The following CCSER2 variants were observed in gnomAD, a reference collection of about 807,000 sequenced individuals.
CCSER2 encodes coiled-coil serine rich protein 2, also known as serine-rich coiled-coil domain-containing protein 2.
CCSER2 carries 46 observed loss-of-function variants against 92.3 expected under a neutral mutation model. The observed-to-expected ratio is 0.50, with a 90% CI of 0.39 to 0.64. CCSER2 has a LOEUF of 0.64. CCSER2 is among the 30% of genes least tolerant of loss of function. The pLI is 0.00. For synonymous variants in CCSER2, 433 were observed against 431.4 expected (o/e 1.00, Z -0.04); for missense variants, 1,244 against 1,238.9 (o/e 1.00, Z -0.06).
At chr10:84,378,125 G>A (rs1207006101) in intron 3 of CCSER2, among the ~76,000 whole-genome samples, 1 of 152,160 alleles carries the variant, frequency 6.6e-6, no homozygotes, top group East Asian at 1.9e-4. Flanking sequence ...AGCCTTAATA[G>A]TTCACCATTA....
chr10:84,414,416 T>C (rs1306154124), intron 3 of CCSER2, among the ~76,000 whole-genome samples: 5 of 152,224 alleles, frequency 3.3e-5, no homozygotes, highest in Non-Finnish European at 7.3e-5. Context: ...AAGCTTAGTT[T>C]GGCTGGATAT....
intron 3 of CCSER2, among the ~76,000 whole-genome samples, chr10:84,393,038 G>T (rs962001643): frequency 6.6e-6 from 1 of 152,092 alleles, no homozygotes; most frequent in Admixed American, 6.6e-5. Context: ...GCAGCAATTT[G>T]TGTTGCAGTT....
chr10:84,350,199 G>A (rs932270697), intron 1 of CCSER2, among the ~76,000 whole-genome samples: 8 of 152,194 alleles, frequency 5.3e-5, no homozygotes, highest in East Asian at 3.9e-4. Flanking sequence ...CATCACGCTC[G>A]TTTATACATT....
intron 6 of CCSER2, among the ~76,000 whole-genome samples, chr10:84,445,512 A>G (rs11201039): frequency 0.046 from 7,055 of 152,292 alleles, 236 homozygotes; most frequent in East Asian, 0.16. Context: ...TGTAATATAC[A>G]TACAGAAAAG....
intron 9 of CCSER2, among the ~76,000 whole-genome samples, chr10:84,494,976 G>GC (rs1270537529): frequency 7.5e-6 from 1 of 133,740 alleles, no homozygotes; most frequent in Non-Finnish European, 1.7e-5. Context: ...GCTGATGTCT[G>GC]CTTTTTTTTT....
chr10:84,477,528 G>A, intron 8 of CCSER2, 47 bp from the exon 9 acceptor site: 1 of 975,138 alleles, frequency 1.0e-6, no homozygotes, highest in Non-Finnish European at 1.6e-6. Context: ...GTCTTGGTGT[G>A]TATATGCAGA....
At chr10:84,479,431 A>G (rs988051151) in intron 9 of CCSER2, among the ~76,000 whole-genome samples, 3 of 152,192 alleles carry the variant, frequency 2.0e-5, no homozygotes, top group African/African-American at 7.2e-5. Flanking sequence ...ATTTGAATGT[A>G]TTGAGATTTG....
intron 9 of CCSER2, chr10:84,499,922 G>A (rs1193175160): frequency 1.2e-6 from 2 of 1,613,820 alleles, no homozygotes; most frequent in Admixed American, 3.3e-5. Flanking sequence ...GCTCCTTCCA[G>A]GGGATCCCAC....
rs990496440 is a variant in CCSER2 at position 84,366,190 on chromosome 10, C to A, written c.-39-4824C>A. ...AACTCCTGAGCTCAAGCGATCCTTT[C>A]GCCTCAGCTTCCCAAACTGTTGAGA... is the stretch of plus-strand genomic sequence containing the variant. On this transcript the variant is annotated intron_variant, in intron 1 of 9. Coordinates refer to ENST00000372088, the MANE Select transcript of CCSER2 (RefSeq NM_001284240.2). 2.0e-5 allele frequency among the ~76,000 whole-genome samples: 3 copies of A among 152,234 alleles called. No individual in the cohort carries two copies. The East Asian group carries it at 5.8e-4, about 29-fold the overall frequency.
chr10:84,406,807 ACTGCGTGGTTTCCT>A (rs1274931496), intron 3 of CCSER2, among the ~76,000 whole-genome samples: 14 of 152,278 alleles, frequency 9.2e-5, no homozygotes, highest in Middle Eastern at 3.4e-3. Flanking sequence ...CAATTTCCGC[ACTGCGTGGTTTCCT>A]CTTTTCCTGT....
chr10:84,378,049 C>T (rs1846433761), intron 3 of CCSER2, among the ~76,000 whole-genome samples: 1 of 152,136 alleles, frequency 6.6e-6, no homozygotes, highest in Non-Finnish European at 1.5e-5. Flanking sequence ...AGCGCTTGCC[C>T]TATTACACAA....
chr10:84,504,252 G>C (rs187322432), intron 9 of CCSER2, among the ~76,000 whole-genome samples: 5 of 150,564 alleles, frequency 3.3e-5, no homozygotes, highest in East Asian at 1.9e-4. Context: ...AAGAAGTGTA[G>C]ATAATTTAAT....
intron 6 of CCSER2, among the ~76,000 whole-genome samples, chr10:84,441,670 G>A (rs376653027): frequency 4.0e-5 from 6 of 148,242 alleles, no homozygotes; most frequent in African/African-American, 7.5e-5. Context: ...CTTCAGAGGT[G>A]GTTGTAATTT....
chr10:84,329,024 G>T (rs1390749128), intron 1 of CCSER2, among the ~76,000 whole-genome samples: 1 of 151,870 alleles, frequency 6.6e-6, no homozygotes, highest in African/African-American at 2.4e-5. Context: ...GCCGGAGGGC[G>T]CCCTCCCTGC....
rs371294346 is a variant in CCSER2 at position 84,437,240 on chromosome 10, C to T, written c.1869-1272C>T. On this transcript the variant is annotated intron_variant, in intron 5 of 9. Coordinates refer to ENST00000372088, the MANE Select transcript of CCSER2 (RefSeq NM_001284240.2). Reference sequence around the variant, plus strand: ...TTCACATATATTAGAAGTTCTCGGCCGGGCATGGTGGCTCACACCTGTAAT... The same window carrying T: ...TTCACATATATTAGAAGTTCTCGGCTGGGCATGGTGGCTCACACCTGTAAT... 7.9e-5 allele frequency among the ~76,000 whole-genome samples: 12 copies of T among 152,062 alleles called. No homozygotes were observed. In the East Asian group the frequency reaches 2.1e-3, roughly 27 times the overall value.
At chr10:84,337,800 C>A (rs184974182) in intron 1 of CCSER2, among the ~76,000 whole-genome samples, 5 of 151,880 alleles carry the variant, frequency 3.3e-5, no homozygotes, top group African/African-American at 4.8e-5. Context: ...TTGAGGGCTT[C>A]GGTATTTAAA....
intron 5 of CCSER2, among the ~76,000 whole-genome samples, chr10:84,427,306 G>C (rs1291354132): frequency 6.6e-6 from 1 of 152,098 alleles, no homozygotes; most frequent in Non-Finnish European, 1.5e-5. Flanking sequence ...GGGTGTTGGT[G>C]CTGGTTTTGA....
At chr10:84,420,318 A>T (rs959789101) in intron 4 of CCSER2, among the ~76,000 whole-genome samples, 2 of 152,240 alleles carry the variant, frequency 1.3e-5, no homozygotes, top group Non-Finnish European at 2.9e-5. Flanking sequence ...TTTCTAGAAG[A>T]AGGCAAACAA....
At chr10:84,350,188 G>A (rs751009854) in intron 1 of CCSER2, among the ~76,000 whole-genome samples, 5 of 152,004 alleles carry the variant, frequency 3.3e-5, no homozygotes, top group Non-Finnish European at 4.4e-5. Context: ...ACATCAGATC[G>A]CATCACGCTC....
Sources: allele counts gnomAD v4.1 joint callset (sites outside exome capture counted in the v4.1 genomes callset), GRCh38; gene constraint gnomAD v4.1.1; transcripts MANE v1.5; gene names NCBI Gene and HGNC (gene_info 2026-07-23, HGNC 2026-07-21).